SLC24A3: variants seen among roughly 807,000 people sequenced by gnomAD.
SLC24A3 encodes the protein solute carrier family 24 member 3.
SLC24A3 carries 28 observed loss-of-function variants against 75.8 expected under a neutral mutation model. The observed-to-expected ratio is 0.37, with a 90% CI of 0.27 to 0.51. The LOEUF (loss-of-function observed/expected upper bound fraction) is 0.51. SLC24A3 is among the 20% of genes least tolerant of loss of function. The probability of loss-of-function intolerance (pLI) is 0.94; values close to 1 mark genes in which losing one functional copy is unlikely to be tolerated. For synonymous variants in SLC24A3, 372 were observed against 334.1 expected (o/e 1.11, Z -1.24); for missense variants, 663 against 847.8 (o/e 0.78, Z 2.71).
intron 8 of SLC24A3, among the ~76,000 whole-genome samples, chr20:19,673,144 T>TCTGC (rs1347781317): frequency 1.3e-5 from 2 of 152,212 alleles, no homozygotes; most frequent in Non-Finnish European, 2.9e-5. Context: ...CGTCTGTCTG[T>TCTGC]CTGCCTGCCT....
intron 3 of SLC24A3, among the ~76,000 whole-genome samples, chr20:19,527,808 C>T (rs2030226298): frequency 6.6e-6 from 1 of 152,190 alleles, no homozygotes; most frequent in Non-Finnish European, 1.5e-5. Flanking sequence ...TCACGATGTT[C>T]TCCAACTTTT....
chr20:19,482,290 C>G (rs1419433452), intron 2 of SLC24A3, among the ~76,000 whole-genome samples: 10 of 152,140 alleles, frequency 6.6e-5, no homozygotes, highest in African/African-American at 2.4e-4. Context: ...TTTCCTCAAG[C>G]CTCATTCTCC....
intron 2 of SLC24A3, among the ~76,000 whole-genome samples, chr20:19,514,507 G>C (rs1285190770): frequency 6.6e-6 from 1 of 152,182 alleles, no homozygotes; most frequent in Admixed American, 6.5e-5. Flanking sequence ...TCAGCAGCTG[G>C]TGATGTCTGC....
In SLC24A3 at chr20:19,334,543, A is replaced by G. The variant is rs558010384; in HGVS notation, c.271+53456A>G. ...TCACTGGTAAAGTTGGCTAGTTTTCAAACACCAAGATTCAGTGCCAACATC... is the reference window on the plus strand; with the variant it reads ...TCACTGGTAAAGTTGGCTAGTTTTCGAACACCAAGATTCAGTGCCAACATC... On this transcript the variant is annotated intron_variant, in intron 2 of 16. Transcript: ENST00000328041. 2.0e-5 allele frequency among the ~76,000 whole-genome samples: 3 copies of G among 152,314 alleles called. No homozygotes were observed. In the East Asian group the frequency reaches 5.8e-4, roughly 29 times the overall value.
chr20:19,553,404 T>A (rs984720006), intron 3 of SLC24A3, among the ~76,000 whole-genome samples: 3 of 152,130 alleles, frequency 2.0e-5, no homozygotes, highest in Non-Finnish European at 2.9e-5. Context: ...TAAGGTGACT[T>A]TCATGGTGAG....
At chr20:19,231,995 T>A (rs1176028714) in intron 1 of SLC24A3, among the ~76,000 whole-genome samples, 1 of 152,248 alleles carries the variant, frequency 6.6e-6, no homozygotes, top group Non-Finnish European at 1.5e-5. Context: ...GTATGCCCAG[T>A]GCCTCATGTG....
chr20:19,696,015 C>CTTTTTTTTTTTTTTTT (rs778046824), intron 13 of SLC24A3, among the ~76,000 whole-genome samples: 22 of 108,094 alleles, frequency 2.0e-4, no homozygotes, highest in African/African-American at 3.2e-4. Flanking sequence ...TTTTCCTTTT[C>CTTTTTTTTTTTTTTTT]TTTTTTTTTT....
chr20:19,624,847 A>G (rs1162406467), intron 6 of SLC24A3, among the ~76,000 whole-genome samples: 1 of 152,232 alleles, frequency 6.6e-6, no homozygotes, highest in East Asian at 1.9e-4. Flanking sequence ...ACATATTATC[A>G]TTTATCTATT....
intron 2 of SLC24A3, among the ~76,000 whole-genome samples, chr20:19,405,702 C>T (rs1043508249): frequency 6.6e-6 from 1 of 152,118 alleles, no homozygotes; most frequent in African/African-American, 2.4e-5. Flanking sequence ...TGTTTCCAAC[C>T]AGTTTAAAAC....
At chr20:19,388,495 G>A (rs6035318) in intron 2 of SLC24A3, among the ~76,000 whole-genome samples, 36,645 of 152,012 alleles carry the variant, frequency 0.24, 8,673 homozygotes, top group African/African-American at 0.6. Flanking sequence ...GTGGATCACC[G>A]GGTCAGGAGA....
chr20:19,550,990 C>A (rs1489070268), intron 3 of SLC24A3, among the ~76,000 whole-genome samples: 4 of 152,230 alleles, frequency 2.6e-5, no homozygotes, highest in Admixed American at 2.6e-4. Flanking sequence ...CACATGGACT[C>A]TGCATCTTTA....
chr20:19,439,823 G>A (rs1300892391), intron 2 of SLC24A3, among the ~76,000 whole-genome samples: 1 of 152,208 alleles, frequency 6.6e-6, no homozygotes, highest in South Asian at 2.1e-4. Context: ...CGGTCTCTCC[G>A]TGTAGACGTT....
intron 1 of SLC24A3, among the ~76,000 whole-genome samples, chr20:19,221,311 C>T (rs1467660552): frequency 6.6e-6 from 1 of 152,214 alleles, no homozygotes; most frequent in Non-Finnish European, 1.5e-5. Flanking sequence ...CTCTGGCCTG[C>T]TCTGATCTAG....
intron 3 of SLC24A3, among the ~76,000 whole-genome samples, chr20:19,531,065 C>T (rs547294867): frequency 9.2e-5 from 14 of 152,000 alleles, no homozygotes; most frequent in African/African-American, 3.2e-4. Flanking sequence ...GTGGTTCAGC[C>T]TATCCGTGTG....
intron 2 of SLC24A3, among the ~76,000 whole-genome samples, chr20:19,402,263 A>G (rs1986565351): frequency 6.6e-6 from 1 of 152,246 alleles, no homozygotes; most frequent in Non-Finnish European, 1.5e-5. Context: ...CAGAAAATGA[A>G]GAGAGTTCAG....
chr20:19,214,439 T>A (rs1019091546), intron 1 of SLC24A3, among the ~76,000 whole-genome samples: 1 of 152,218 alleles, frequency 6.6e-6, no homozygotes, highest in South Asian at 2.1e-4. Context: ...TTTCCTTTTT[T>A]ATTTTTCTCC....
chr20:19,526,966 T>C (rs185503059), intron 3 of SLC24A3, among the ~76,000 whole-genome samples: 64 of 152,334 alleles, frequency 4.2e-4, no homozygotes, highest in African/African-American at 1.5e-3. Flanking sequence ...ATCCATGTGA[T>C]GACTATGTTT....
chr20:19,315,822 T>A (rs1004361959), intron 2 of SLC24A3, among the ~76,000 whole-genome samples: 1 of 152,254 alleles, frequency 6.6e-6, no homozygotes, highest in African/African-American at 2.4e-5. Flanking sequence ...AATGGGATTA[T>A]GTGCCAGTAA....
At chr20:19,691,374 C>T (rs2032743382) in intron 12 of SLC24A3, among the ~76,000 whole-genome samples, 1 of 152,110 alleles carries the variant, frequency 6.6e-6, no homozygotes, top group African/African-American at 2.4e-5. Flanking sequence ...TGTCTGAGGA[C>T]AGAAAGTTAG....
Sources: allele counts gnomAD v4.1 joint callset (sites outside exome capture counted in the v4.1 genomes callset), GRCh38; gene constraint gnomAD v4.1.1; transcripts MANE v1.5; gene names NCBI Gene and HGNC (gene_info 2026-07-23, HGNC 2026-07-21).